Variants in PBLD observed in about 807,000 individuals in gnomAD.
The protein encoded by PBLD is phenazine biosynthesis like protein domain containing, also known as phenazine biosynthesis-like domain-containing protein.
Under a neutral mutation model 31.3 loss-of-function variants are expected in PBLD, and 26 were observed. The ratio of observed to expected loss-of-function variants is 0.83; its 90% CI spans 0.61 to 1.15. The LOEUF is 1.15. Ranked by LOEUF, PBLD falls within the 50% of genes most tolerant of loss-of-function variation. The pLI is 0.00. For synonymous variants in PBLD, 114 were observed against 129.0 expected, an observed-to-expected ratio of 0.88 and a Z score of 0.79; for missense variants, 307 against 351.7, an observed-to-expected ratio of 0.87 and a Z score of 1.02.
intron 1 of PBLD, among the ~76,000 whole-genome samples, chr10:68,330,349 A>G (rs1450461500): frequency 1.3e-5 from 2 of 152,134 alleles, no homozygotes; most frequent in South Asian, 2.1e-4. Context: ...AAAATTATAC[A>G]TCCTCCTACG....
Position 68,288,671 on chromosome 10 carries a change from A to C in PBLD, c.513-10T>G. The C allele has an allele frequency of 6.2e-7, 1 of 1,613,040 alleles. No homozygotes were observed. The highest frequency in any genetic ancestry group is 8.5e-7 in the Non-Finnish European group (1 of 1,179,412). ...GTTCTCCAGAAACGACCTTGTTCAT[A>C]AACAAGATGGATTAGGACAAACCCA... On this transcript the variant is annotated splice_polypyrimidine_tract_variant and intron_variant, in intron 7 of 9. Transcript: ENST00000358769.
rs1167465170 is a variant in PBLD, at chr10:68,332,810, T to C, written c.-86A>G. 1 of 152,336 alleles carries C rather than the reference T, an allele frequency of 6.6e-6. No individual in the cohort carries two copies. Among genetic ancestry groups the C allele is most frequent in the Non-Finnish European group, 1.5e-5 (1 of 68,170 alleles). 9.4% of individuals were successfully genotyped at this position (152,336 alleles called of 1,614,324 possible). ...TGGGCTGACGGGACTGCGAGTGACT[T>C]CTGACGCAGATTCCCAAGATGAGAG... On this transcript the variant is annotated 5_prime_UTR_variant, in exon 1 of 10. Coordinates refer to ENST00000358769, the MANE Select transcript of PBLD (RefSeq NM_022129.4).
At chr10:68,287,510 A>C (rs953575709) in intron 8 of PBLD, 10 of 152,406 alleles carry the variant, frequency 6.6e-5, no homozygotes, top group African/African-American at 2.2e-4. Flanking sequence ...TAACTGAGCC[A>C]TCCAGGCCCT....
At chr10:68,287,413 A>C (rs1311516432) in intron 8 of PBLD, 2 of 152,094 alleles carry the variant, frequency 1.3e-5, no homozygotes, top group Non-Finnish European at 2.9e-5. Context: ...GGGAAGCTGC[A>C]CTCTGGATAT....
At chr10:68,332,731 G>A (rs1050709629) in intron 1 of PBLD, 53 bp downstream of exon 1, 3 of 152,246 alleles carry the variant, frequency 2.0e-5, no homozygotes, top group African/African-American at 7.2e-5. Flanking sequence ...GGCGCCGGAT[G>A]GGCCTGGCCT....
At chr10:68,313,097 T>C (rs2044692673) in intron 1 of PBLD, among the ~76,000 whole-genome samples, 1 of 152,054 alleles carries the variant, frequency 6.6e-6, no homozygotes, top group Non-Finnish European at 1.5e-5. Flanking sequence ...GTATTTATTG[T>C]AGAGAGGGGT....
At chr10:68,316,102 C>T (rs1181903386) in intron 1 of PBLD, among the ~76,000 whole-genome samples, 1 of 151,776 alleles carries the variant, frequency 6.6e-6, no homozygotes, top group African/African-American at 2.4e-5. Context: ...GAAAGTATAC[C>T]ATACAAAGAA....
rs769440457 is a variant in PBLD at position 68,292,177 on chromosome 10, T to A, written c.345A>T (p.Ala115=). ...GCAAGTCCAGGACGATGCCATCCTC[T>A]GCTCGTCTGGCCCTTAGTTCTCCAC... ...TLSGELRARR[A]EDGIVLDLPL... is the part of the protein sequence containing the mutation. The change falls in exon 5 of 10, where the codon GCA becomes GCT. Residue 115 remains alanine (A), a synonymous_variant. Transcript: ENST00000358769. The A allele has an allele frequency of 4.3e-6, 7 of 1,613,812 alleles. No homozygotes were observed. The African/African-American group carries it at 9.3e-5, about 22-fold the overall frequency.
At chr10:68,287,887 T>C (rs1464976459) in intron 8 of PBLD, 2 of 152,362 alleles carry the variant, frequency 1.3e-5, no homozygotes, top group Non-Finnish European at 2.9e-5. Context: ...TGAAATCCTA[T>C]CTCTAGTAAA....
intron 4 of PBLD, among the ~76,000 whole-genome samples, chr10:68,293,691 C>A (rs1212012022): frequency 6.6e-6 from 1 of 152,134 alleles, no homozygotes; most frequent in East Asian, 1.9e-4. Flanking sequence ...TCAAACCAAC[C>A]CACGTGGAGT....
intron 1 of PBLD, among the ~76,000 whole-genome samples, chr10:68,325,628 A>G (rs1043096243): frequency 6.6e-6 from 1 of 152,250 alleles, no homozygotes; most frequent in Non-Finnish European, 1.5e-5. Context: ...GCCAAGCTCC[A>G]TAGGGTAGCA....
At chr10:68,320,697 T>A (rs1291422083) in intron 1 of PBLD, among the ~76,000 whole-genome samples, 2 of 152,224 alleles carry the variant, frequency 1.3e-5, no homozygotes, top group South Asian at 2.1e-4. Flanking sequence ...AATTTTTTTT[T>A]AATGGAGATG....
chr10:68,292,243 C>A lies in PBLD; in HGVS notation c.284-5G>T. On this transcript the variant is annotated splice_region_variant and splice_polypyrimidine_tract_variant and intron_variant, in intron 4 of 9. Transcript: ENST00000358769. ...TGAGCGTGCTATTCATGTTTTCTGG[C>A]CAAAATAGGAATCAAGAAATAGGAA... The A allele has an allele frequency of 6.2e-7, 1 of 1,607,654 alleles. No homozygotes were observed. The highest frequency in any genetic ancestry group is 8.5e-7 in the Non-Finnish European group (1 of 1,175,796).
intron 1 of PBLD, among the ~76,000 whole-genome samples, chr10:68,321,924 C>G (rs10998067): frequency 0.041 from 6,241 of 152,242 alleles, 158 homozygotes; most frequent in Non-Finnish European, 0.045. Flanking sequence ...TTCCAAATAG[C>G]TTATCTAGCT....
chr10:68,324,595 C>T (rs902918055), intron 1 of PBLD, among the ~76,000 whole-genome samples: 1 of 148,788 alleles, frequency 6.7e-6, no homozygotes, highest in Non-Finnish European at 1.5e-5. Context: ...CCAATATCTA[C>T]CCTCCACACT....
intron 1 of PBLD, among the ~76,000 whole-genome samples, chr10:68,309,591 C>T (rs963210849): frequency 1.3e-5 from 2 of 149,084 alleles, no homozygotes; most frequent in East Asian, 2.1e-4. Context: ...AGGCAGATCA[C>T]GAGGTCAGGA....
At chr10:68,289,468 C>A (rs367675847) in intron 6 of PBLD, among the ~76,000 whole-genome samples, 17 of 152,106 alleles carry the variant, frequency 1.1e-4, no homozygotes, top group African/African-American at 3.9e-4. Flanking sequence ...CCAAGAATCA[C>A]TTGTGAGCCA....
intron 8 of PBLD, chr10:68,287,300 AAAAC>A (rs563362626): frequency 2.0e-3 from 299 of 152,312 alleles, no homozygotes; most frequent in Middle Eastern, 3.4e-3. Context: ...ATTACGGGGA[AAAAC>A]AAACAAACAA....
At chr10:68,326,558 C>T (rs529931019) in intron 1 of PBLD, among the ~76,000 whole-genome samples, 19 of 152,266 alleles carry the variant, frequency 1.2e-4, no homozygotes, top group African/African-American at 4.6e-4. Context: ...CAATGTAGCT[C>T]TTAGGATACT....
Sources: gnomAD v4.1 joint callset for allele counts (sites outside exome capture counted in the v4.1 genomes callset) on GRCh38, gnomAD v4.1.1 for gene constraint, MANE v1.5 for transcripts, NCBI Gene and HGNC (gene_info 2026-07-23, HGNC 2026-07-21) for gene names.